GAD2: variants seen among roughly 807,000 people sequenced by gnomAD.
GAD2 encodes glutamate decarboxylase 2.
In GAD2, 22 loss-of-function variants were observed where a neutral mutation model predicts 80.1. That is an observed-to-expected ratio of 0.27 (90% CI 0.20 to 0.39). The LOEUF (loss-of-function observed/expected upper bound fraction) is 0.39, where lower values mean the gene tolerates loss of function less well. Ranked by LOEUF, GAD2 falls within the 10% of genes least tolerant of loss-of-function variation. The pLI is 1.00. For missense variants in GAD2, 624 were observed against 738.4 expected, an observed-to-expected ratio of 0.85 and a Z score of 1.80; for synonymous variants, 274 against 256.9, an observed-to-expected ratio of 1.07 and a Z score of -0.64.
intron 12 of GAD2, among the ~76,000 whole-genome samples, chr10:26,285,806 A>G (rs1201543243): frequency 6.6e-6 from 1 of 151,928 alleles, no homozygotes; most frequent in Non-Finnish European, 1.5e-5. Flanking sequence ...TAAAAATGAT[A>G]GCAATGAGCT....
chr10:26,224,889 C>T (rs1844501775), intron 6 of GAD2: 2 of 470,586 alleles, frequency 4.3e-6, no homozygotes, highest in East Asian at 3.9e-5. Flanking sequence ...AGAGATGGTA[C>T]TTACCCAGTG....
intron 9 of GAD2, 62 bp downstream of exon 9, chr10:26,269,235 A>T: frequency 7.2e-7 from 1 of 1,385,794 alleles, no homozygotes; most frequent in South Asian, 1.4e-5. Context: ...CGGAGAACAA[A>T]ATGTGTTTTG....
intron 7 of GAD2, among the ~76,000 whole-genome samples, chr10:26,234,763 C>T (rs749714603): frequency 4.6e-5 from 7 of 152,168 alleles, no homozygotes; most frequent in Non-Finnish European, 8.8e-5. Flanking sequence ...AGTGGCCAGC[C>T]CAAGACTGCT....
At chr10:26,246,820 C>A (rs142981666) in intron 8 of GAD2, among the ~76,000 whole-genome samples, 7 of 152,322 alleles carry the variant, frequency 4.6e-5, no homozygotes, top group South Asian at 2.1e-4. Flanking sequence ...AACTGCATGG[C>A]ATGAAGTACA....
Position 26,301,270 on chromosome 10 carries a change from T to C in GAD2, c.*309T>C. On this transcript the variant is annotated 3_prime_UTR_variant, in exon 16 of 16. Coordinates refer to ENST00000376261, the MANE Select transcript of GAD2 (RefSeq NM_001134366.2). ...AGCAAACTTTATTTTCACTTCAGAC[T>C]AGTAGGACTGAATAGTGCCAAATTG... 1 of 230,898 alleles carries C rather than the reference T, an allele frequency of 4.3e-6. No individual in the cohort carries two copies. Among genetic ancestry groups the C allele is most frequent in the East Asian group, 9.4e-5 (1 of 10,636 alleles). The allele number at this position is 230,898 out of a possible 1,614,324, so 14.3% of individuals were successfully genotyped here.
intron 13 of GAD2, among the ~76,000 whole-genome samples, chr10:26,287,771 G>T (rs1204762680): frequency 1.3e-5 from 2 of 152,186 alleles, no homozygotes; most frequent in African/African-American, 4.8e-5. Context: ...CTTAGCATTA[G>T]TGACTCCATT....
At position 26,216,789 on chromosome 10, in the gene GAD2, C is replaced by T; in HGVS notation, c.-21C>T. The T allele has an allele frequency of 6.2e-7, 1 of 1,604,332 alleles. No homozygotes were observed. The highest frequency in any genetic ancestry group is 8.5e-7 in the Non-Finnish European group (1 of 1,175,656). On this transcript the variant is annotated 5_prime_UTR_variant, in exon 1 of 16. Coordinates refer to ENST00000376261, the MANE Select transcript of GAD2 (RefSeq NM_001134366.2). This position sits in a 1 kb window ranked among gnomAD's most constrained non-coding sequence, Gnocchi z 4.7. ...CCCGCAGCTCGCACTCGCAGGCGAC[C>T]TGCTCCAGTCTCCAAAGCCGATGGC...
intron 5 of GAD2, 147 bp downstream of exon 5, chr10:26,224,124 T>C (rs371420849): frequency 1.7e-6 from 1 of 599,022 alleles, no homozygotes; most frequent in Non-Finnish European, 2.9e-6. Context: ...TTCACTTTAA[T>C]GTAACAGAAA....
intron 12 of GAD2, among the ~76,000 whole-genome samples, chr10:26,281,458 C>A (rs1845271330): frequency 6.6e-6 from 1 of 151,902 alleles, no homozygotes; most frequent in African/African-American, 2.4e-5. Flanking sequence ...TCCTATATAA[C>A]AAATATACAT....
At chr10:26,258,104 C>T (rs1461989436) in intron 8 of GAD2, among the ~76,000 whole-genome samples, 1 of 152,214 alleles carries the variant, frequency 6.6e-6, no homozygotes, top group African/African-American at 2.4e-5. Context: ...AGAGTTTATG[C>T]CGTGCCAGGC....
intron 8 of GAD2, among the ~76,000 whole-genome samples, chr10:26,268,331 G>A (rs1022663581): frequency 2.6e-5 from 4 of 152,100 alleles, no homozygotes; most frequent in African/African-American, 9.7e-5. Context: ...AGCCAGGCAT[G>A]GTGGCGGGCG....
At chr10:26,269,218 C>T in intron 9 of GAD2, 45 bp downstream of exon 9, 3 of 1,480,320 alleles carry the variant, frequency 2.0e-6, no homozygotes, top group Non-Finnish European at 2.8e-6. Flanking sequence ...TTTCTATTTC[C>T]ATCCACCGGA....
At position 26,275,124 on chromosome 10, in the gene GAD2, G is replaced by A. The variant is rs1845183971; in HGVS notation, c.1157+1424G>A. Among the ~76,000 whole-genome samples the A allele has an allele frequency of 1.3e-5, 2 of 152,232 alleles. 1 individual carries two copies. The highest frequency in any genetic ancestry group is 4.1e-4 in the South Asian group (2 of 4,834). ...AGAAGCTTAAGGAAGAGGCAATGAA[G>A]TAAACAGGGAGAGACAATAAAAGAG... is the stretch of plus-strand genomic sequence containing the variant. On this transcript the variant is annotated intron_variant, in intron 11 of 15. Coordinates refer to ENST00000376261, the MANE Select transcript of GAD2 (RefSeq NM_001134366.2).
At chr10:26,220,760 A>T (rs749310964) in intron 4 of GAD2, among the ~76,000 whole-genome samples, 1 of 152,222 alleles carries the variant, frequency 6.6e-6, no homozygotes, top group Non-Finnish European at 1.5e-5. Flanking sequence ...AAAAGAACCT[A>T]TGGAAATGTT....
intron 11 of GAD2, among the ~76,000 whole-genome samples, chr10:26,275,151 G>A (rs1278212817): frequency 2.0e-5 from 3 of 152,264 alleles, no homozygotes; most frequent in African/African-American, 4.8e-5. Flanking sequence ...ATAAAAGAGA[G>A]AGAGAGAACA....
chr10:26,244,384 T>C (rs530848003), intron 7 of GAD2, among the ~76,000 whole-genome samples: 2 of 152,302 alleles, frequency 1.3e-5, no homozygotes, highest in South Asian at 4.1e-4. Context: ...CTTCTAAGTA[T>C]CTACTCAAAG....
chr10:26,297,197 G>A (rs1376700631), intron 15 of GAD2, among the ~76,000 whole-genome samples: 2 of 152,130 alleles, frequency 1.3e-5, no homozygotes, highest in East Asian at 1.9e-4. Flanking sequence ...AAAGTGCTGG[G>A]ATTACAGGCA....
At chr10:26,281,348 A>G (rs1348493301) in intron 12 of GAD2, among the ~76,000 whole-genome samples, 1 of 152,130 alleles carries the variant, frequency 6.6e-6, no homozygotes, top group African/African-American at 2.4e-5. Flanking sequence ...CCTTTCCTCA[A>G]CTGTTCCTGC....
Position 26,304,430 on chromosome 10 carries a change from A to G in GAD2, c.*3469A>G, listed in dbSNP as rs1490232722. On this transcript the variant is annotated 3_prime_UTR_variant, in exon 16 of 16. Coordinates refer to ENST00000376261, the MANE Select transcript of GAD2 (RefSeq NM_001134366.2). ...TTACTCCATTACTAAAGACAGAAAA[A>G]AATAAAAACATAAAATATACAAACA... 1 of 152,664 alleles carries G rather than the reference A, an allele frequency of 6.6e-6. No homozygotes were observed. Among genetic ancestry groups the G allele is most frequent in the Admixed American group, 6.5e-5 (1 of 15,284 alleles). 9.5% of individuals were successfully genotyped at this position (152,664 alleles called of 1,614,324 possible).
Sources: gnomAD v4.1 joint callset for allele counts (sites outside exome capture counted in the v4.1 genomes callset) on GRCh38, gnomAD v4.1.1 for gene constraint, Gnocchi (gnomAD v3.1) non-coding constraint, MANE v1.5 for transcripts, NCBI Gene and HGNC (gene_info 2026-07-23, HGNC 2026-07-21) for gene names.